The following INPP4B variants were observed in gnomAD, a reference collection of about 807,000 sequenced individuals.
INPP4B encodes inositol polyphosphate-4-phosphatase type II B, also known as inositol polyphosphate 4-phosphatase type II.
INPP4B carries 55 observed loss-of-function variants against 122.5 expected under a neutral mutation model. That is an observed-to-expected ratio of 0.45 (90% CI 0.36 to 0.56). The LOEUF (loss-of-function observed/expected upper bound fraction) is 0.56, where lower values mean the gene tolerates loss of function less well. Ranked by LOEUF, INPP4B falls within the 20% of genes least tolerant of loss-of-function variation. INPP4B has a pLI of 0.00. For synonymous variants in INPP4B, 403 were observed against 388.7 expected (o/e 1.04, Z -0.43); for missense variants, 1,000 against 1,097.7 (o/e 0.91, Z 1.26).
intron 2 of INPP4B, among the ~76,000 whole-genome samples, chr4:142,613,293 T>G (rs1742972826): frequency 6.6e-6 from 1 of 152,226 alleles, no homozygotes; most frequent in Admixed American, 6.5e-5. Flanking sequence ...TAAGCGAAAC[T>G]GATACATATA....
chr4:142,373,145 A>G (rs1309814123), intron 7 of INPP4B, among the ~76,000 whole-genome samples: 1 of 152,042 alleles, frequency 6.6e-6, no homozygotes, highest in Non-Finnish European at 1.5e-5. Flanking sequence ...AGCATAGTGG[A>G]AAGAGCTCTG....
At chr4:142,730,823 G>C (rs1006392504) in intron 1 of INPP4B, among the ~76,000 whole-genome samples, 13 of 152,168 alleles carry the variant, frequency 8.5e-5, no homozygotes, top group African/African-American at 3.1e-4. Context: ...TACCTGTTAA[G>C]TGCAGACACA....
chr4:142,811,666 CACTT>C (rs1368570178), intron 1 of INPP4B, among the ~76,000 whole-genome samples: 1 of 152,202 alleles, frequency 6.6e-6, no homozygotes, highest in East Asian at 1.9e-4. Context: ...TTAGATATGT[CACTT>C]AGTTAGATTA....
Position 142,818,210 on chromosome 4 carries a change from C to T in INPP4B, c.-254+27999G>A, listed in dbSNP as rs569723361. Among the ~76,000 whole-genome samples the T allele has an allele frequency of 2.6e-5, 4 of 152,192 alleles. No individual in the cohort carries two copies. In the East Asian group the frequency reaches 7.7e-4, roughly 29 times the overall value. ...TGCAGCTTGCATGTAGTCACTGAGT[C>T]CCCCCTACTCCCCTGCCCTGGCCAG... On this transcript the variant is annotated intron_variant, in intron 1 of 25. Coordinates refer to ENST00000262992, the MANE Select transcript of INPP4B (RefSeq NM_001101669.3).
At chr4:142,191,134 A>G (rs1342634705) in intron 15 of INPP4B, among the ~76,000 whole-genome samples, 2 of 152,212 alleles carry the variant, frequency 1.3e-5, no homozygotes, top group African/African-American at 2.4e-5. Flanking sequence ...GACAAAACAT[A>G]TATGTCACCT....
chr4:142,731,515 A>T (rs1766081546), intron 1 of INPP4B, among the ~76,000 whole-genome samples: 1 of 152,298 alleles, frequency 6.6e-6, no homozygotes, highest in South Asian at 2.1e-4. Context: ...CCATTACAAT[A>T]TTAGAATTCA....
chr4:142,208,100 T>C (rs541527582), intron 14 of INPP4B, among the ~76,000 whole-genome samples: 1 of 152,142 alleles, frequency 6.6e-6, no homozygotes, highest in Non-Finnish European at 1.5e-5. Context: ...ACAAATTTTG[T>C]TTTTTATTTA....
At chr4:142,396,064 C>A (rs908675884) in intron 7 of INPP4B, among the ~76,000 whole-genome samples, 3 of 151,906 alleles carry the variant, frequency 2.0e-5, no homozygotes, top group Non-Finnish European at 4.4e-5. Context: ...GTTCTTACTA[C>A]AGTATTTTTA....
intron 2 of INPP4B, among the ~76,000 whole-genome samples, chr4:142,463,508 G>A (rs561400095): frequency 6.6e-6 from 1 of 152,124 alleles, no homozygotes; most frequent in Non-Finnish European, 1.5e-5. Flanking sequence ...CTTTCTCTTT[G>A]CTGTTCTTAA....
chr4:142,163,679 A>G (rs922983122), intron 16 of INPP4B, among the ~76,000 whole-genome samples: 4 of 151,762 alleles, frequency 2.6e-5, no homozygotes, highest in Non-Finnish European at 4.4e-5. Flanking sequence ...TGTAGGAAAA[A>G]AACAGTATAT....
intron 7 of INPP4B, among the ~76,000 whole-genome samples, chr4:142,392,350 A>G (rs545972993): frequency 2.0e-5 from 3 of 152,324 alleles, no homozygotes; most frequent in Non-Finnish European, 4.4e-5. Flanking sequence ...TCTATGAACA[A>G]TAGAAATGAA....
intron 2 of INPP4B, among the ~76,000 whole-genome samples, chr4:142,586,996 C>A (rs1736357328): frequency 6.6e-6 from 1 of 152,028 alleles, no homozygotes; most frequent in South Asian, 2.1e-4. Context: ...GAACTGAGGC[C>A]AGAGAGCATA....
In INPP4B at chr4:142,569,298, T is replaced by C. The variant is rs187088370; in HGVS notation, c.-190-106572A>G. On this transcript the variant is annotated intron_variant, in intron 2 of 25. Coordinates refer to ENST00000262992, the MANE Select transcript of INPP4B (RefSeq NM_001101669.3). The stretch of plus-strand genomic sequence containing the variant: ...ACCACTGCAAATAAACATGGATTTT[T>C]TTTTTTTTTGCTAAAAACAACATAT... Among the ~76,000 whole-genome samples, 58 of 152,170 alleles carry C rather than the reference T, an allele frequency of 3.8e-4. 2 individuals carry two copies. The highest frequency in any genetic ancestry group is 3.5e-3 in the Admixed American group (53 of 15,254).
intron 18 of INPP4B, among the ~76,000 whole-genome samples, chr4:142,135,397 T>C (rs185442952): frequency 1.3e-5 from 2 of 151,872 alleles, no homozygotes; most frequent in East Asian, 1.9e-4. Context: ...TATCACATTT[T>C]AGCAATTTTT....
intron 2 of INPP4B, among the ~76,000 whole-genome samples, chr4:142,638,928 TAATC>T (rs1292986881): frequency 1.5e-4 from 23 of 152,304 alleles, no homozygotes; most frequent in African/African-American, 5.5e-4. Flanking sequence ...TGGATAGTCT[TAATC>T]AAGTGATGAT....
chr4:142,568,322 C>A (rs2150149590), intron 2 of INPP4B, among the ~76,000 whole-genome samples: 1 of 152,112 alleles, frequency 6.6e-6, no homozygotes, highest in Non-Finnish European at 1.5e-5. Flanking sequence ...CTTCTGGTAA[C>A]TTACCAAGGT....
chr4:142,823,815 T>C (rs906384595), intron 1 of INPP4B, among the ~76,000 whole-genome samples: 1 of 152,192 alleles, frequency 6.6e-6, no homozygotes, highest in African/African-American at 2.4e-5. Flanking sequence ...GTCCTTGTGA[T>C]GGTTATTTTT....
intron 2 of INPP4B, among the ~76,000 whole-genome samples, chr4:142,664,884 G>A (rs1289052247): frequency 6.6e-6 from 1 of 152,100 alleles, no homozygotes; most frequent in Non-Finnish European, 1.5e-5. Context: ...TCATCATTGT[G>A]CCAACATCAT....
chr4:142,748,861 C>A (rs542767487), intron 1 of INPP4B, among the ~76,000 whole-genome samples: 1 of 152,006 alleles, frequency 6.6e-6, no homozygotes, highest in Admixed American at 6.6e-5. Context: ...TAAGACAGGC[C>A]ATGCACAGTG....
Sources: gnomAD v4.1 joint callset for allele counts (sites outside exome capture counted in the v4.1 genomes callset) on GRCh38, gnomAD v4.1.1 for gene constraint, MANE v1.5 for transcripts, NCBI Gene and HGNC (gene_info 2026-07-23, HGNC 2026-07-21) for gene names.